The following DNAH11 variants were observed in gnomAD, a reference collection of about 807,000 sequenced individuals.
DNAH11 encodes axonemal beta dynein heavy chain 11.
DNAH11 carries 442 observed loss-of-function variants against 526.0 expected under a neutral mutation model. The observed-to-expected ratio is 0.84, with a 90% CI of 0.78 to 0.91. The LOEUF is 0.91. DNAH11 is among the 40% of genes least tolerant of loss of function. The probability of loss-of-function intolerance (pLI) is 0.00; values close to 1 mark genes in which losing one functional copy is unlikely to be tolerated. For missense variants in DNAH11, 6,989 were observed against 5,448.7 expected, an observed-to-expected ratio of 1.28 and a Z score of -8.90; for synonymous variants, 2,461 against 1,935.9, an observed-to-expected ratio of 1.27 and a Z score of -7.12.
chr7:21,763,579 A>G (rs1035255485), intron 54 of DNAH11, among the ~76,000 whole-genome samples: 3 of 151,694 alleles, frequency 2.0e-5, no homozygotes, highest in South Asian at 4.2e-4. Context: ...TGCAACTACT[A>G]TGGAAAACAG....
intron 2 of DNAH11, among the ~76,000 whole-genome samples, chr7:21,548,003 C>T (rs1188881995): frequency 6.6e-6 from 1 of 152,162 alleles, no homozygotes; most frequent in Non-Finnish European, 1.5e-5. Context: ...TACGACATCC[C>T]ATTGCTGTTA....
chr7:21,706,278 C>T (rs1367127988), intron 39 of DNAH11, among the ~76,000 whole-genome samples: 2 of 151,856 alleles, frequency 1.3e-5, no homozygotes, highest in African/African-American at 4.8e-5. Context: ...CTTATTTTCT[C>T]GGTTGGCAGA....
chr7:21,688,552 C>G (rs967754966), intron 34 of DNAH11, among the ~76,000 whole-genome samples: 1 of 152,216 alleles, frequency 6.6e-6, no homozygotes, highest in African/African-American at 2.4e-5. Context: ...CTCCTCATCT[C>G]TGGACTGACC....
At chr7:21,826,870 G>C (rs914560975) in intron 65 of DNAH11, among the ~76,000 whole-genome samples, 1 of 152,078 alleles carries the variant, frequency 6.6e-6, no homozygotes, top group African/African-American at 2.4e-5. Context: ...TTTGTTTGGG[G>C]GAGTTGTTGT....
intron 28 of DNAH11, among the ~76,000 whole-genome samples, chr7:21,640,339 GC>G (rs1481324330): frequency 1.3e-5 from 2 of 152,180 alleles, no homozygotes; most frequent in African/African-American, 4.8e-5. Flanking sequence ...CTCATGACCA[GC>G]AGCTGAACCC....
chr7:21,573,654 G>C (rs1031918186), intron 8 of DNAH11, among the ~76,000 whole-genome samples: 1 of 152,066 alleles, frequency 6.6e-6, no homozygotes, highest in Non-Finnish European at 1.5e-5. Context: ...GGTAGTTTTT[G>C]AGACATTATT....
chr7:21,698,113 G>A lies in DNAH11; in HGVS notation c.6080G>A (p.Cys2027Tyr). 1 of 1,613,514 alleles carries A rather than the reference G, an allele frequency of 6.2e-7. No homozygotes were observed. Among genetic ancestry groups the A allele is most frequent in the Non-Finnish European group, 8.5e-7 (1 of 1,179,692 alleles). Residue 2027 changes from cysteine (C) to tyrosine (Y), a missense_variant, in exon 36 of 82, where the codon TGT becomes TAT. Physicochemically the swap from Cys to Tyr is radical, Grantham distance 194 (BLOSUM62 -2). Transcript: ENST00000409508. ...GTGGCCCCTGACATTGAGCTAATCT[G>A]TGAAATCTTGTTAGTTGCTGAAGGT... ...AMVAPDIELI[C>Y]EILLVAEGFV...
intron 73 of DNAH11, among the ~76,000 whole-genome samples, chr7:21,870,170 CAG>C (rs1783441268): frequency 6.6e-6 from 1 of 152,142 alleles, no homozygotes; most frequent in East Asian, 1.9e-4. Context: ...GATTGGATGG[CAG>C]AGCTGGTACT....
At chr7:21,690,488 G>T (rs916321370) in intron 34 of DNAH11, among the ~76,000 whole-genome samples, 1 of 152,068 alleles carries the variant, frequency 6.6e-6, no homozygotes, top group Non-Finnish European at 1.5e-5. Context: ...TGTTAAAATA[G>T]TCAAGTCTTT....
chr7:21,654,611 G>A (rs1014703080), intron 28 of DNAH11, among the ~76,000 whole-genome samples: 6 of 152,196 alleles, frequency 3.9e-5, no homozygotes, highest in African/African-American at 1.4e-4. Context: ...TAGGAGAGGA[G>A]TTGCTGGATC....
chr7:21,838,151 C>G (rs1328946121), intron 65 of DNAH11, among the ~76,000 whole-genome samples: 1 of 152,154 alleles, frequency 6.6e-6, no homozygotes, highest in Non-Finnish European at 1.5e-5. Context: ...TTTGATGATG[C>G]TCTCCACTGT....
Position 21,561,052 on chromosome 7 carries a change from T to A in DNAH11, c.883-19T>A, listed in dbSNP as rs1372569012. 6.5e-7 allele frequency: 1 copy of A among 1,527,874 alleles called. No individual in the cohort carries two copies. Among genetic ancestry groups the A allele is most frequent in the Admixed American group, 1.9e-5 (1 of 51,788 alleles). 94.6% of individuals were successfully genotyped at this position (1,527,874 alleles called of 1,614,324 possible). On this transcript the variant is annotated intron_variant, in intron 4 of 81. Coordinates refer to ENST00000409508, the MANE Select transcript of DNAH11 (RefSeq NM_001277115.2). ...GAGTTTATATTTATTAAAGTTCTTC[T>A]TTTTTTCCTTTAACTTAGCTTCAGG...
intron 43 of DNAH11, among the ~76,000 whole-genome samples, chr7:21,718,391 A>G (rs1451244349): frequency 2.0e-5 from 3 of 152,186 alleles, no homozygotes; most frequent in African/African-American, 7.2e-5. Context: ...AATTTGTGCA[A>G]TTAAAGATGC....
rs201286239 is a variant in DNAH11 at position 21,856,795 on chromosome 7, AC to A, written c.11202+2342del. On this transcript the variant is annotated intron_variant, in intron 68 of 81. Transcript: ENST00000409508. ...TTTCAACAAATGAGTTAAAAAAAAA[AC>A]CAACCAACTCTCAACTAATGAATAG... Among the ~76,000 whole-genome samples, 896 of 149,078 alleles carry A rather than the reference AC, an allele frequency of 6.0e-3. 7 individuals are homozygous for A. Among genetic ancestry groups the A allele is most frequent in the African/African-American group, 0.021 (838 of 40,408 alleles).
At chr7:21,698,241 G>C (rs775388386) in intron 36 of DNAH11, 28 bp downstream of exon 36, 1 of 1,610,750 alleles carries the variant, frequency 6.2e-7, no homozygotes, top group Non-Finnish European at 8.5e-7. Context: ...ACGTTTTCTT[G>C]TTTTTACATA....
intron 14 of DNAH11, among the ~76,000 whole-genome samples, chr7:21,599,005 G>A (rs542323150): frequency 6.6e-6 from 1 of 152,290 alleles, no homozygotes; most frequent in Admixed American, 6.5e-5. Flanking sequence ...CACTTAGGTT[G>A]ATTCCATGTC....
intron 21 of DNAH11, among the ~76,000 whole-genome samples, chr7:21,615,660 C>A (rs1252496415): frequency 1.3e-5 from 2 of 151,918 alleles, no homozygotes; most frequent in Non-Finnish European, 2.9e-5. Context: ...ACAGACCCTT[C>A]CTAAAAATAA....
chr7:21,624,984 G>A (rs1302108409), intron 25 of DNAH11, among the ~76,000 whole-genome samples: 3 of 151,802 alleles, frequency 2.0e-5, no homozygotes, highest in African/African-American at 7.3e-5. Flanking sequence ...CAGGGATATT[G>A]GCTTCTAATT....
In DNAH11 at chr7:21,813,032, C is replaced by T. The variant is rs114845238; in HGVS notation, c.10333-3435C>T. ...GGGGAAGGGTTGTCAGAAAGTACAA[C>T]CATGGGGCATGAGTTTGAGGGATGG... On this transcript the variant is annotated intron_variant, in intron 63 of 81. Transcript: ENST00000409508. Among the ~76,000 whole-genome samples, 689 of 152,220 alleles carry T rather than the reference C, an allele frequency of 4.5e-3. 16 individuals are homozygous for T. Among genetic ancestry groups the T allele is most frequent in the African/African-American group, 0.015 (610 of 41,530 alleles).
Sources: allele counts gnomAD v4.1 joint callset (sites outside exome capture counted in the v4.1 genomes callset), GRCh38; gene constraint gnomAD v4.1.1; transcripts MANE v1.5; gene names NCBI Gene and HGNC (gene_info 2026-07-23, HGNC 2026-07-21).